The following NOP53 variants were observed in gnomAD, a reference collection of about 807,000 sequenced individuals.
NOP53 encodes the protein ribosome biogenesis protein NOP53.
NOP53 carries 40 observed loss-of-function variants against 61.0 expected under a neutral mutation model. That is an observed-to-expected ratio of 0.66 (90% CI 0.51 to 0.85). The LOEUF (loss-of-function observed/expected upper bound fraction) is 0.85. NOP53 is among the 40% of genes least tolerant of loss of function. The pLI, the probability that NOP53 is intolerant of heterozygous loss-of-function variation, is 0.00. For synonymous variants in NOP53, 308 were observed against 289.5 expected (o/e 1.06, Z -0.65); for missense variants, 689 against 652.9 (o/e 1.06, Z -0.60).
rs1454983607 is a variant in NOP53 at position 47,751,142 on chromosome 19, A to G, written c.598+35A>G. ...CCTGCTGTCACCTATGAATGGGGAC[A>G]GGACGGCCATGTGCAGTTTGTGTGT... is the stretch of plus-strand genomic sequence containing the variant. On this transcript the variant is annotated intron_variant, in intron 4 of 12. Coordinates refer to ENST00000246802, the MANE Select transcript of NOP53 (RefSeq NM_015710.5). 9.0e-6 allele frequency: 14 copies of G among 1,548,132 alleles called. No individual in the cohort carries two copies. The South Asian group carries it at 1.6e-4, about 18-fold the overall frequency.
chr19:47,750,999 G>A lies in NOP53; in HGVS notation c.490G>A (p.Glu164Lys). The stretch of plus-strand genomic sequence containing the variant: ...GGCCAAGCAGGGCGAGCTGCCCCGG[G>A]AGGTGCGCAGGGCCCAGGCCCGGCT... Reference protein sequence around the residue: ...KLAKQGELPREVRRAQARLLN... With the variant: ...KLAKQGELPRKVRRAQARLLN... The change falls in exon 4 of 13, where the codon GAG becomes AAG. Residue 164 changes from glutamate (E) to lysine (K), a missense_variant. Physicochemically the swap from Glu to Lys is moderately conservative, Grantham distance 56 (BLOSUM62 1). Coordinates refer to ENST00000246802, the MANE Select transcript of NOP53 (RefSeq NM_015710.5). The A allele has an allele frequency of 6.3e-7, 1 of 1,595,962 alleles. No individual in the cohort carries two copies. The highest frequency in any genetic ancestry group is 8.5e-7 in the Non-Finnish European group (1 of 1,172,350).
chr19:47,751,862 G>A (rs1967128469), intron 5 of NOP53, among the ~76,000 whole-genome samples: 2 of 152,196 alleles, frequency 1.3e-5, no homozygotes, highest in South Asian at 4.1e-4. Context: ...AGCACTTCGG[G>A]AGGCCGAGAC....
Position 47,752,456 on chromosome 19 carries a change from G to A in NOP53, c.670-56G>A, listed in dbSNP as rs945038912. 2.1e-5 allele frequency: 23 copies of A among 1,098,302 alleles called. No individual in the cohort carries two copies. The African/African-American group carries it at 2.3e-4, about 11-fold the overall frequency. 68.0% of individuals were successfully genotyped at this position (1,098,302 alleles called of 1,614,324 possible). ...AGCATCTGCCCCATGGCTGTGTCCT[G>A]GGTCACCCGCAGCCCCAACGCACGG... On this transcript the variant is annotated intron_variant, in intron 5 of 12. Transcript: ENST00000246802.
At position 47,756,431 on chromosome 19, in the gene NOP53, G is replaced by A. The variant is rs546567420; in HGVS notation, c.1297-97G>A. ...GTGCCCACAGGCTGCCCTGGGGGGA[G>A]ACTGCATGGGGCTGAGCCCTGCCAG... On this transcript the variant is annotated intron_variant, in intron 10 of 12. Transcript: ENST00000246802. 6 of 919,260 alleles carry A rather than the reference G, an allele frequency of 6.5e-6. No individual in the cohort carries two copies. The African/African-American group carries it at 8.2e-5, about 13-fold the overall frequency. The allele number at this position is 919,260 out of a possible 1,614,324, so 56.9% of individuals were successfully genotyped here.
rs1443039339 is a variant in NOP53, at chr19:47,755,357, C to A, written c.1063C>A (p.Gln355Lys). ...TCCCCCGTCTCCACAGCGGGTACAG[C>A]AGGCCGCGTTGCGGGCCGCCCGGCT... ...EKAVHRLRVQQAALRAARLRH... is the reference protein window; with the variant it reads ...EKAVHRLRVQKAALRAARLRH... The change falls in exon 9 of 13, where the codon CAG becomes AAG. Residue 355 changes from glutamine (Q) to lysine (K), a missense_variant. Gln to Lys is a moderately conservative substitution (Grantham distance 53). Coordinates refer to ENST00000246802, the MANE Select transcript of NOP53 (RefSeq NM_015710.5). 2 of 1,512,994 alleles carry A rather than the reference C, an allele frequency of 1.3e-6. No homozygotes were observed. Among genetic ancestry groups the A allele is most frequent in the South Asian group, 1.2e-5 (1 of 81,228 alleles). The allele number at this position is 1,512,994 out of a possible 1,614,324, so 93.7% of individuals were successfully genotyped here. A position where few individuals can be genotyped will look rare whatever the true frequency, so the allele number is the denominator to read the frequency against.
At chr19:47,746,859 G>A in intron 1 of NOP53, 108 bp from the exon 2 acceptor site, 1 of 872,610 alleles carries the variant, frequency 1.1e-6, no homozygotes, top group Non-Finnish European at 1.9e-6. Context: ...GCCTGGAAGA[G>A]TCCGGTGGCG....
In NOP53 at chr19:47,754,339, G is replaced by C. The variant is rs1279895615; in HGVS notation, c.766-188G>C. On this transcript the variant is annotated intron_variant, in intron 6 of 12. Coordinates refer to ENST00000246802, the MANE Select transcript of NOP53 (RefSeq NM_015710.5). This position sits in a 1 kb window ranked among gnomAD's most constrained non-coding sequence, Gnocchi z 4.2. ...TCACAGACGTGCAGAGCAGGTGTGAGGGCGAGGGTTTGAGGTGCCCTCTGG... is the reference window on the plus strand; with the variant it reads ...TCACAGACGTGCAGAGCAGGTGTGACGGCGAGGGTTTGAGGTGCCCTCTGG... 11 of 598,070 alleles carry C rather than the reference G, an allele frequency of 1.8e-5. No individual in the cohort carries two copies. Among genetic ancestry groups the C allele is most frequent in the Non-Finnish European group, 3.0e-5 (10 of 329,504 alleles). 37.0% of individuals were successfully genotyped at this position (598,070 alleles called of 1,614,324 possible). A position where few individuals can be genotyped will look rare whatever the true frequency, so the allele number is the denominator to read the frequency against.
Position 47,756,555 on chromosome 19 carries a change from T to G in NOP53, c.1324T>G (p.Phe442Val), listed in dbSNP as rs780118982. Residue 442 changes from phenylalanine to valine, a missense_variant, in exon 11 of 13, where the codon TTC becomes GTC. Physicochemically the swap from Phe to Val is conservative, Grantham distance 50. Coordinates refer to ENST00000246802, the MANE Select transcript of NOP53 (RefSeq NM_015710.5). The stretch of plus-strand genomic sequence containing the variant: ...CGAGGGCAACATCCTTCGAGACCGG[T>G]TCAAGAGCTTCCAGAGGAGGAATAT... The part of the protein sequence containing the change: ...KPEGNILRDR[F>V]KSFQRRNMIE... The G allele has an allele frequency of 1.2e-6, 2 of 1,613,768 alleles. No homozygotes were observed. The highest frequency in any genetic ancestry group is 2.7e-5 in the African/African-American group (2 of 74,830).
intron 5 of NOP53, among the ~76,000 whole-genome samples, chr19:47,752,258 T>C (rs73941235): frequency 0.1 from 15,525 of 152,162 alleles, 2,144 homozygotes; most frequent in African/African-American, 0.31. Flanking sequence ...GCAGCCTCCT[T>C]CTTGAGCTGC....
At chr19:47,751,727 C>T in intron 5 of NOP53, 137 bp downstream of exon 5, 1 of 706,634 alleles carries the variant, frequency 1.4e-6, no homozygotes, top group Non-Finnish European at 2.5e-6. Context: ...AGCCAGGTGG[C>T]TGGGATTCCT....
intron 1 of NOP53, 134 bp from the exon 2 acceptor site, chr19:47,746,830 ACTG>A (rs1967070436): frequency 2.9e-6 from 2 of 683,212 alleles, no homozygotes; most frequent in Admixed American, 5.5e-5. Context: ...AGTTCTGTAA[ACTG>A]CTGGGCGAAG....
chr19:47,755,677 T>C (rs1482658571), intron 9 of NOP53, 79 bp from the exon 10 acceptor site: 1 of 1,402,018 alleles, frequency 7.1e-7, no homozygotes, highest in East Asian at 2.5e-5. Context: ...AGGCCCCTTC[T>C]TCTCCAGGAG....
At position 47,752,538 on chromosome 19, in the gene NOP53, G is replaced by T; in HGVS notation, c.696G>T (p.Pro232=). The part of the protein sequence containing the change: ...VKRPARLHTK[P]SQAPAVEVAP... ...GGCCAGCACGCCTGCACACCAAGCCGTCCCAGGCACCCGCCGTGGAGGTGG... is the reference window on the plus strand; with the variant it reads ...GGCCAGCACGCCTGCACACCAAGCCTTCCCAGGCACCCGCCGTGGAGGTGG... Residue 232 remains proline (P), a synonymous_variant, in exon 6 of 13, where the codon CCG becomes CCT. Transcript: ENST00000246802. 6.2e-7 allele frequency: 1 copy of T among 1,608,192 alleles called. No homozygotes were observed.
chr19:47,747,575 G>A (rs1458520418), intron 2 of NOP53, among the ~76,000 whole-genome samples: 2 of 151,638 alleles, frequency 1.3e-5, no homozygotes, highest in Non-Finnish European at 2.9e-5. Context: ...CTGGGAGGTG[G>A]AGGTTGCAGT....
intron 1 of NOP53, 162 bp from the exon 2 acceptor site, chr19:47,746,805 C>T (rs568207983): frequency 1.3e-4 from 79 of 592,074 alleles, no homozygotes; most frequent in Non-Finnish European, 2.1e-4. Flanking sequence ...GCCTGGCAGT[C>T]CTTCCTAAAT....
chr19:47,756,383 C>T, intron 10 of NOP53, 145 bp from the exon 11 acceptor site: 1 of 627,068 alleles, frequency 1.6e-6, no homozygotes, highest in Non-Finnish European at 2.8e-6. Flanking sequence ...GCCCCAGCAG[C>T]TGAGGGCCAG....
chr19:47,745,856 G>C (rs1967055846), intron 1 of NOP53, 73 bp downstream of exon 1: 1 of 297,512 alleles, frequency 3.4e-6, no homozygotes, highest in Non-Finnish European at 4.8e-6. Flanking sequence ...TGCTTGCGTG[G>C]ACTCGTCGGG....
In NOP53 at chr19:47,752,538, G is replaced by A. The variant is rs766405207; in HGVS notation, c.696G>A (p.Pro232=). 1.2e-5 allele frequency: 19 copies of A among 1,608,070 alleles called. 1 individual carries two copies. Among genetic ancestry groups the A allele is most frequent in the Admixed American group, 3.3e-5 (2 of 59,994 alleles). ...VKRPARLHTK[P]SQAPAVEVAP... is the part of the protein sequence containing the mutation. ...GGCCAGCACGCCTGCACACCAAGCC[G>A]TCCCAGGCACCCGCCGTGGAGGTGG... The change falls in exon 6 of 13, where the codon CCG becomes CCA. Residue 232 remains proline (P), a synonymous_variant. Coordinates refer to ENST00000246802, the MANE Select transcript of NOP53 (RefSeq NM_015710.5).
chr19:47,756,632 G>A, intron 11 of NOP53, 28 bp downstream of exon 11: 1 of 1,613,308 alleles, frequency 6.2e-7, no homozygotes, highest in South Asian at 1.1e-5. Context: ...CTGCTGTGGG[G>A]CGAGGGCATC....
Sources: gnomAD v4.1 joint callset for allele counts (sites outside exome capture counted in the v4.1 genomes callset) on GRCh38, gnomAD v4.1.1 for gene constraint, Gnocchi (gnomAD v3.1) non-coding constraint, MANE v1.5 for transcripts, NCBI Gene and HGNC (gene_info 2026-07-23, HGNC 2026-07-21) for gene names.